Variants in GRID2IP observed in about 807,000 individuals in gnomAD.
GRID2IP encodes delphilin.
A neutral mutation model predicts 114.3 loss-of-function variants in GRID2IP; 78 were observed. That is an observed-to-expected ratio of 0.68 (90% CI 0.57 to 0.82). The LOEUF (loss-of-function observed/expected upper bound fraction) is 0.82. Among genes scored for constraint, GRID2IP ranks in the 40% least tolerant of loss-of-function variants. The pLI is 0.00. For missense variants in GRID2IP, 1,727 were observed against 1,678.5 expected, an observed-to-expected ratio of 1.03 and a Z score of -0.51; for synonymous variants, 809 against 724.0, an observed-to-expected ratio of 1.12 and a Z score of -1.89.
chr7:6,542,200 G>C (rs939917044), intron 1 of GRID2IP, among the ~76,000 whole-genome samples: 2 of 150,398 alleles, frequency 1.3e-5, no homozygotes, highest in African/African-American at 4.9e-5. Context: ...AGCTACTCGG[G>C]AGGCTGAGGC....
At chr7:6,527,617 T>G (rs886907881) in intron 2 of GRID2IP, among the ~76,000 whole-genome samples, 3 of 152,194 alleles carry the variant, frequency 2.0e-5, no homozygotes, top group Non-Finnish European at 4.4e-5. Flanking sequence ...AGAGAGGGTC[T>G]TGCTCTGTCT....
At position 6,520,234 on chromosome 7, in the gene GRID2IP, G is replaced by T. The variant is rs1386879471; in HGVS notation, c.1268+344C>A. ...TTGAACCCAGGAGGCGGAGGCTGCA[G>T]TGAGCCAAGATCTCATCATTGCACT... On this transcript the variant is annotated intron_variant, in intron 7 of 21. Transcript: ENST00000457091. The surrounding 1 kb of genome is among the most constrained non-coding windows in gnomAD (Gnocchi z 4.6). Among the ~76,000 whole-genome samples, 1 of 152,080 alleles carries T rather than the reference G, an allele frequency of 6.6e-6. No homozygotes were observed. Among genetic ancestry groups the T allele is most frequent in the African/African-American group, 2.4e-5 (1 of 41,410 alleles).
rs1305172269 is a variant in GRID2IP at position 6,536,413 on chromosome 7, C to A, written c.584+3305G>T. On this transcript the variant is annotated intron_variant, in intron 2 of 21. Transcript: ENST00000457091. The surrounding 1 kb of genome is among the most constrained non-coding windows in gnomAD (Gnocchi z 5.3). The stretch of plus-strand genomic sequence containing the variant: ...ATCGAGCGCGCCCAAGGGGGTTCCC[C>A]CTCCCGCGCCCTGCCCGACCCGCTG... Among the ~76,000 whole-genome samples, 2 of 152,254 alleles carry A rather than the reference C, an allele frequency of 1.3e-5. No homozygotes were observed. Among genetic ancestry groups the A allele is most frequent in the Non-Finnish European group, 2.9e-5 (2 of 68,034 alleles).
chr7:6,541,300 A>C (rs1356929284), intron 1 of GRID2IP, among the ~76,000 whole-genome samples: 1 of 152,156 alleles, frequency 6.6e-6, no homozygotes, highest in East Asian at 1.9e-4. Context: ...AAATATCGTA[A>C]AGATCAAAGG....
intron 8 of GRID2IP, among the ~76,000 whole-genome samples, chr7:6,513,858 G>A (rs995014054): frequency 1.7e-4 from 26 of 149,272 alleles, no homozygotes; most frequent in African/African-American, 6.4e-4. Flanking sequence ...CGGAGTGGGA[G>A]GATCACTTGA....
intron 2 of GRID2IP, among the ~76,000 whole-genome samples, chr7:6,527,697 C>T (rs1779541391): frequency 6.6e-6 from 1 of 152,088 alleles, no homozygotes; most frequent in Non-Finnish European, 1.5e-5. Flanking sequence ...CTCCTGGTCT[C>T]AAGGGATCCT....
rs1221437501 is a variant in GRID2IP at position 6,507,831 on chromosome 7, G to A, written c.2544+154C>T. Reference sequence around the variant, plus strand: ...TCAATGCCTGCAGTGGCCCCCAAGCGTGGGGACGTTCTTGGGCTGGGCCTC... The same window carrying A: ...TCAATGCCTGCAGTGGCCCCCAAGCATGGGGACGTTCTTGGGCTGGGCCTC... On this transcript the variant is annotated intron_variant, in intron 13 of 21. Coordinates refer to ENST00000457091, the MANE Select transcript of GRID2IP (RefSeq NM_001145118.2). This position sits in a 1 kb window ranked among gnomAD's most constrained non-coding sequence, Gnocchi z 5.3. 1.3e-5 allele frequency among the ~76,000 whole-genome samples: 2 copies of A among 152,206 alleles called. No homozygotes were observed. Among genetic ancestry groups the A allele is most frequent in the African/African-American group, 4.8e-5 (2 of 41,444 alleles).
chr7:6,514,442 C>T lies in GRID2IP; in HGVS notation c.1356G>A (p.Leu452=). The T allele has an allele frequency of 6.5e-7, 1 of 1,550,088 alleles. No homozygotes were observed. The highest frequency in any genetic ancestry group is 1.7e-4 in the Middle Eastern group (1 of 5,986). The stretch of plus-strand genomic sequence containing the variant: ...GACAGAGCTCCTGCTCCTCATAGGT[C>T]AGCAGCTGGTAGATGAACTGCCACA... ...QVLWQFIYQL[L]TYEEQELCQE... The change falls in exon 8 of 22, where the codon CTG becomes CTA. Residue 452 remains leucine, a synonymous_variant. Transcript: ENST00000457091.
intron 9 of GRID2IP, 53 bp downstream of exon 9, chr7:6,510,855 G>A (rs1372630200): frequency 1.3e-6 from 2 of 1,524,354 alleles, no homozygotes; most frequent in Non-Finnish European, 8.9e-7. Context: ...AGCCCATTTT[G>A]CAGGTGGGAA....
chr7:6,517,784 T>C (rs1223831123), intron 7 of GRID2IP, among the ~76,000 whole-genome samples: 2 of 151,642 alleles, frequency 1.3e-5, no homozygotes, highest in African/African-American at 2.4e-5. Flanking sequence ...GCGCCTGTAA[T>C]CCCAGCTACT....
intron 15 of GRID2IP, among the ~76,000 whole-genome samples, chr7:6,504,486 A>G (rs1324940894): frequency 1.4e-5 from 2 of 144,070 alleles, no homozygotes; most frequent in African/African-American, 2.6e-5. Flanking sequence ...CGCTAGATTG[A>G]GAAGCTGGGT....
chr7:6,503,213 C>T, intron 16 of GRID2IP, 50 bp from the exon 17 acceptor site: 1 of 1,138,124 alleles, frequency 8.8e-7, no homozygotes, highest in South Asian at 1.6e-5. Context: ...CTGGGACCCT[C>T]TGCCCCACCG....
chr7:6,508,271 G>T lies in GRID2IP; in HGVS notation c.2258C>A (p.Pro753Gln), dbSNP rs112305062. 6.5e-7 allele frequency: 1 copy of T among 1,535,486 alleles called. No homozygotes were observed. Among genetic ancestry groups the T allele is most frequent in the Non-Finnish European group, 8.8e-7 (1 of 1,138,492 alleles). ...SSISDHIPPP[P>Q]LSPPPPPPLP... is the part of the protein sequence containing the mutation. ...GGGTGGCGGTGGTGGGGGGCTGAGC[G>T]GGGGTGGGGGGATGTGGTCAGAGAT... is the stretch of plus-strand genomic sequence containing the variant. The change falls in exon 13 of 22, where the codon CCG (proline) becomes CAG (glutamine). Residue 753 changes from proline (P) to glutamine (Q), a missense_variant. By Grantham distance (76) the Pro-to-Gln change is moderately conservative. Coordinates refer to ENST00000457091, the MANE Select transcript of GRID2IP (RefSeq NM_001145118.2). The surrounding 1 kb of genome is among the most constrained non-coding windows in gnomAD (Gnocchi z 5.6).
In GRID2IP at chr7:6,520,547, C is replaced by A. The variant is rs1273432957; in HGVS notation, c.1268+31G>T. 1.3e-6 allele frequency: 2 copies of A among 1,540,986 alleles called. No homozygotes were observed. The highest frequency in any genetic ancestry group is 2.7e-5 in the African/African-American group (2 of 72,886). On this transcript the variant is annotated intron_variant, in intron 7 of 21. Transcript: ENST00000457091. This position sits in a 1 kb window ranked among gnomAD's most constrained non-coding sequence, Gnocchi z 4.6. ...GGCAGGACTTAGGGCCCACCCAGGG[C>A]AGGGCCCCACCGCGGCTTTGGCCCG...
rs754670186 is a variant in GRID2IP at position 6,521,842 on chromosome 7, G to C, written c.989+46C>G. 5 of 1,397,738 alleles carry C rather than the reference G, an allele frequency of 3.6e-6. No homozygotes were observed. The African/African-American group carries it at 7.2e-5, about 20-fold the overall frequency. The allele number at this position is 1,397,738 out of a possible 1,614,324, so 86.6% of individuals were successfully genotyped here. On this transcript the variant is annotated intron_variant, in intron 5 of 21. Coordinates refer to ENST00000457091, the MANE Select transcript of GRID2IP (RefSeq NM_001145118.2). This position sits in a 1 kb window ranked among gnomAD's most constrained non-coding sequence, Gnocchi z 4.1. Reference sequence around the variant, plus strand: ...AAGAGGCAGGAGTCTTGCAGGGGGTGGGGGCAGCTCCTCACCAACCCCTGG... The same window carrying C: ...AAGAGGCAGGAGTCTTGCAGGGGGTCGGGGCAGCTCCTCACCAACCCCTGG...
intron 7 of GRID2IP, among the ~76,000 whole-genome samples, chr7:6,517,094 A>G (rs1174096500): frequency 6.8e-6 from 1 of 147,706 alleles, no homozygotes; most frequent in Non-Finnish European, 1.5e-5. Context: ...TGGCTCTGTC[A>G]CCCAGGCTGG....
Position 6,508,336 on chromosome 7 carries a change from G to C in GRID2IP, c.2193C>G (p.Ile731Met). Reference sequence around the variant, plus strand: ...GGGAGCTGCCTTCTTCACTGCTGCTGATGCAGTCGCTGGCGCTGCTCCGCT... The same window carrying C: ...GGGAGCTGCCTTCTTCACTGCTGCTCATGCAGTCGCTGGCGCTGCTCCGCT... ...TNERSSASDC[I>M]SSSEEGSSLT... Residue 731 changes from isoleucine (I) to methionine (M), a missense_variant, in exon 13 of 22, where the codon ATC (isoleucine) becomes ATG (methionine). By Grantham distance (10) the Ile-to-Met change is conservative. Transcript: ENST00000457091. The surrounding 1 kb of genome is among the most constrained non-coding windows in gnomAD (Gnocchi z 5.6). 1 of 1,551,588 alleles carries C rather than the reference G, an allele frequency of 6.4e-7. No homozygotes were observed. Among genetic ancestry groups the C allele is most frequent in the Non-Finnish European group, 8.7e-7 (1 of 1,147,042 alleles).
chr7:6,547,992 G>A (rs963162583), intron 1 of GRID2IP, among the ~76,000 whole-genome samples: 4 of 152,172 alleles, frequency 2.6e-5, no homozygotes, highest in Middle Eastern at 3.2e-3. Flanking sequence ...TTCCACGGAG[G>A]AAAAGTCTGT....
At position 6,497,031 on chromosome 7, in the gene GRID2IP, G is replaced by C. The variant is rs562467939; in HGVS notation, c.*743C>G. Among the ~76,000 whole-genome samples, 13 of 152,228 alleles carry C rather than the reference G, an allele frequency of 8.5e-5. No individual in the cohort carries two copies. The South Asian group carries it at 2.7e-3, about 32-fold the overall frequency. On this transcript the variant is annotated 3_prime_UTR_variant, in exon 22 of 22. Coordinates refer to ENST00000457091, the MANE Select transcript of GRID2IP (RefSeq NM_001145118.2). ...ACCATCCGTCCAGGTGAGAAGTCTGGCAGTTGGCCACCAGATCCTGCTCAC... is the reference window on the plus strand; with the variant it reads ...ACCATCCGTCCAGGTGAGAAGTCTGCCAGTTGGCCACCAGATCCTGCTCAC...
Sources: allele counts gnomAD v4.1 joint callset (sites outside exome capture counted in the v4.1 genomes callset), GRCh38; gene constraint gnomAD v4.1.1; non-coding constraint Gnocchi (gnomAD v3.1); transcripts MANE v1.5; gene names NCBI Gene and HGNC (gene_info 2026-07-23, HGNC 2026-07-21).